The following FAM135A variants were observed in gnomAD, a reference collection of about 807,000 sequenced individuals.
The protein encoded by FAM135A is family with sequence similarity 135 member A, also known as protein FAM135A.
A neutral mutation model predicts 146.8 loss-of-function variants in FAM135A; 79 were observed. The ratio of observed to expected loss-of-function variants is 0.54; its 90% CI spans 0.45 to 0.65. The LOEUF is 0.65. FAM135A is among the 30% of genes least tolerant of loss of function. The pLI is 0.00. For synonymous variants in FAM135A, 562 were observed against 603.6 expected, an observed-to-expected ratio of 0.93 and a Z score of 1.01; for missense variants, 1,623 against 1,758.2, an observed-to-expected ratio of 0.92 and a Z score of 1.38.
At chr6:70,507,795 T>A (rs1287058597) in intron 12 of FAM135A, among the ~76,000 whole-genome samples, 2 of 152,072 alleles carry the variant, frequency 1.3e-5, no homozygotes, top group Non-Finnish European at 2.9e-5. Context: ...AATATATTTA[T>A]GATAAGTGAA....
intron 16 of FAM135A, among the ~76,000 whole-genome samples, chr6:70,531,998 T>G (rs536173026): frequency 1.5e-3 from 212 of 144,138 alleles, no homozygotes; most frequent in African/African-American, 5.1e-3. Flanking sequence ...TTCTCCTGCC[T>G]CAGCTTCCCG....
chr6:70,522,553 C>T lies in FAM135A; in HGVS notation c.1070C>T (p.Pro357Leu). 1 of 1,613,560 alleles carries T rather than the reference C, an allele frequency of 6.2e-7. No homozygotes were observed. Among genetic ancestry groups the T allele is most frequent in the Non-Finnish European group, 8.5e-7 (1 of 1,179,730 alleles). Residue 357 changes from proline to leucine, a missense_variant, in exon 13 of 22, where the codon CCA becomes CTA. By Grantham distance (98) the Pro-to-Leu change is moderately conservative. Around this residue, in one of 7 missense-constraint regions of FAM135A, gnomAD observed 23 missense variants for 47.7 expected, o/e 0.48. Transcript: ENST00000418814. ...FSEAFFCFEH[P>L]REAAIAYQEL... ...GAGGCATTCTTTTGTTTTGAGCATC[C>T]AAGAGAAGCTGCCATTGCATACCAG...
chr6:70,434,689 A>C (rs1259853663), intron 4 of FAM135A, among the ~76,000 whole-genome samples: 1 of 152,206 alleles, frequency 6.6e-6, no homozygotes, highest in East Asian at 1.9e-4. Flanking sequence ...AAAAGCGGCA[A>C]ATATTTAGAA....
chr6:70,499,834 CAG>C (rs1462409038), intron 11 of FAM135A, among the ~76,000 whole-genome samples: 4 of 152,204 alleles, frequency 2.6e-5, no homozygotes, highest in Non-Finnish European at 4.4e-5. Context: ...AGGATTTCTG[CAG>C]AGAGCTGTGC....
intron 12 of FAM135A, among the ~76,000 whole-genome samples, chr6:70,505,300 T>C (rs1789509017): frequency 6.6e-6 from 1 of 152,152 alleles, no homozygotes; most frequent in Non-Finnish European, 1.5e-5. Context: ...GTTTTGCCAA[T>C]CATCTTACTA....
rs1330641677 is a variant in FAM135A at position 70,513,581 on chromosome 6, C to A, written c.1030-8932C>A. On this transcript the variant is annotated intron_variant, in intron 12 of 21. Coordinates refer to ENST00000418814, the MANE Select transcript of FAM135A (RefSeq NM_001162529.3). ...AAAACCTGCTTTTGTAGTTTTTATG[C>A]CTGAAGTTTACTCATAAGCATTTTA... 4.0e-5 allele frequency among the ~76,000 whole-genome samples: 6 copies of A among 151,732 alleles called. No homozygotes were observed. In the East Asian group the frequency reaches 1.2e-3, roughly 29 times the overall value.
intron 9 of FAM135A, 40 bp downstream of exon 9, chr6:70,481,067 A>G (rs879193281): frequency 2.0e-6 from 3 of 1,496,742 alleles, no homozygotes; most frequent in East Asian, 4.9e-5. Context: ...TCCTTATTTT[A>G]AAAGAAGTGT....
In FAM135A at chr6:70,429,244, G is replaced by A. The variant is rs141261530; in HGVS notation, c.77+825G>A. The stretch of plus-strand genomic sequence containing the variant: ...AGAATAATTAGGGGCCAGGTGTGGT[G>A]GCTCACACCTGTAATCCCAGGACTT... On this transcript the variant is annotated intron_variant, in intron 4 of 21. Coordinates refer to ENST00000418814, the MANE Select transcript of FAM135A (RefSeq NM_001162529.3). Among the ~76,000 whole-genome samples the A allele has an allele frequency of 9.0e-4, 137 of 152,282 alleles. No homozygotes were observed. The East Asian group carries it at 0.024, about 26-fold the overall frequency.
chr6:70,459,191 C>T (rs773726190), intron 5 of FAM135A, among the ~76,000 whole-genome samples: 17 of 151,912 alleles, frequency 1.1e-4, no homozygotes, highest in African/African-American at 3.9e-4. Context: ...AACTTTGATT[C>T]GTACTTTCAT....
At chr6:70,429,849 A>C (rs990319935) in intron 4 of FAM135A, among the ~76,000 whole-genome samples, 1 of 152,208 alleles carries the variant, frequency 6.6e-6, no homozygotes, top group African/African-American at 2.4e-5. Flanking sequence ...AGATCTATAC[A>C]AAGAGTGGTG....
At chr6:70,422,808 T>C (rs1769167030) in intron 2 of FAM135A, among the ~76,000 whole-genome samples, 1 of 152,240 alleles carries the variant, frequency 6.6e-6, no homozygotes, top group Non-Finnish European at 1.5e-5. Flanking sequence ...TTAAGTTGAG[T>C]ACTATGTGCC....
In FAM135A at chr6:70,542,916, A is replaced by G. The variant is rs550920161; in HGVS notation, c.4228+4515A>G. The stretch of plus-strand genomic sequence containing the variant: ...CCCATGTCTCAAAATTGTTAATATT[A>G]TCTCTGAATTTCCATAGCATTATAT... On this transcript the variant is annotated intron_variant, in intron 20 of 21. Coordinates refer to ENST00000418814, the MANE Select transcript of FAM135A (RefSeq NM_001162529.3). Among the ~76,000 whole-genome samples, 15 of 152,258 alleles carry G rather than the reference A, an allele frequency of 9.9e-5. No homozygotes were observed. The East Asian group carries it at 2.7e-3, about 27-fold the overall frequency.
intron 11 of FAM135A, among the ~76,000 whole-genome samples, chr6:70,493,673 A>G (rs1441753255): frequency 6.6e-6 from 1 of 152,218 alleles, no homozygotes; most frequent in Non-Finnish European, 1.5e-5. Flanking sequence ...GATTCATAAT[A>G]TTGTAAAAAT....
chr6:70,453,638 C>G (rs1777624728), intron 5 of FAM135A, among the ~76,000 whole-genome samples: 1 of 148,810 alleles, frequency 6.7e-6, no homozygotes, highest in Non-Finnish European at 1.5e-5. Flanking sequence ...CTGTTCAGTT[C>G]CCACCTATGA....
intron 4 of FAM135A, among the ~76,000 whole-genome samples, chr6:70,442,236 TGG>T (rs200098344): frequency 1.4e-5 from 2 of 143,978 alleles, no homozygotes; most frequent in African/African-American, 5.5e-5. Flanking sequence ...AATTTCTTCA[TGG>T]GTTTTTTTTT....
chr6:70,480,943 A>C lies in FAM135A; in HGVS notation c.585A>C (p.Ala195=). ...AGACAACTTGGTTAAATAGAAATGC[A>C]CCAGCACAAAACAAAGATTCCGTGA... ...PVKTTWLNRN[A]PAQNKDSVIP... is the part of the protein sequence containing the mutation. The change falls in exon 9 of 22, where the codon GCA becomes GCC. Residue 195 remains alanine (A), a synonymous_variant. Coordinates refer to ENST00000418814, the MANE Select transcript of FAM135A (RefSeq NM_001162529.3). 6.2e-7 allele frequency: 1 copy of C among 1,612,926 alleles called. No homozygotes were observed. Among genetic ancestry groups the C allele is most frequent in the Non-Finnish European group, 8.5e-7 (1 of 1,179,390 alleles).
intron 2 of FAM135A, among the ~76,000 whole-genome samples, chr6:70,424,267 G>A (rs1321287736): frequency 6.6e-6 from 1 of 152,178 alleles, no homozygotes. Flanking sequence ...TTTCCAGCTT[G>A]CAAGTTACAC....
chr6:70,556,707 CTAGT>C (rs1323903505), intron 20 of FAM135A, 39 bp from the exon 21 acceptor site: 14 of 1,300,754 alleles, frequency 1.1e-5, no homozygotes, highest in Non-Finnish European at 1.3e-5. Flanking sequence ...TGTTTAAAAT[CTAGT>C]TAACTACTGC....
chr6:70,449,381 CTT>C (rs1205531655), intron 4 of FAM135A, among the ~76,000 whole-genome samples: 1 of 152,132 alleles, frequency 6.6e-6, no homozygotes, highest in African/African-American at 2.4e-5. Flanking sequence ...ACTTTGTACT[CTT>C]TGACTAACAT....
Sources: gnomAD v4.1 joint callset for allele counts (sites outside exome capture counted in the v4.1 genomes callset) on GRCh38, gnomAD v4.1.1 for gene constraint, gnomAD v4.1.1 regional missense constraint, MANE v1.5 for transcripts, NCBI Gene and HGNC (gene_info 2026-07-23, HGNC 2026-07-21) for gene names.